Variants in MEP1A observed in about 807,000 individuals in gnomAD.
The protein encoded by MEP1A is meprin A subunit alpha, also known as N-benzoyl-L-tyrosyl-P-amino-benzoic acid hydrolase subunit alpha.
A neutral mutation model predicts 84.5 loss-of-function variants in MEP1A; 68 were observed. The observed-to-expected ratio is 0.80, with a 90% CI of 0.66 to 0.98. The LOEUF (loss-of-function observed/expected upper bound fraction) is 0.98. Among genes scored for constraint, MEP1A ranks in the 50% least tolerant of loss-of-function variants. The pLI is 0.00. For missense variants in MEP1A, 887 were observed against 919.9 expected (o/e 0.96, Z 0.46); for synonymous variants, 337 against 336.8 (o/e 1.00, Z -0.01).
intron 5 of MEP1A, among the ~76,000 whole-genome samples, chr6:46,802,531 A>G (rs1767218854): frequency 6.6e-6 from 1 of 151,842 alleles, no homozygotes; most frequent in Non-Finnish European, 1.5e-5. Flanking sequence ...AGACAGTGTT[A>G]CTGGTTCCTT....
At chr6:46,840,922 T>A (rs978480019), downstream of MEP1A, among the ~76,000 whole-genome samples, 16 of 152,160 alleles carry the variant, frequency 1.1e-4, no homozygotes, top group African/African-American at 3.9e-4. Flanking sequence ...AACCTCAGAG[T>A]TAGGCCTAAA....
intron 6 of MEP1A, among the ~76,000 whole-genome samples, chr6:46,812,037 C>T (rs915101959): frequency 6.6e-6 from 1 of 152,060 alleles, no homozygotes; most frequent in East Asian, 1.9e-4. Context: ...AATAGTGTCA[C>T]TAGGATTGGT....
At chr6:46,800,841 T>A (rs2150740617) in intron 5 of MEP1A, among the ~76,000 whole-genome samples, 1 of 152,258 alleles carries the variant, frequency 6.6e-6, no homozygotes, top group Non-Finnish European at 1.5e-5. Context: ...CCATTCTGAT[T>A]TTCCCCTATG....
At chr6:46,831,461 A>G (rs144664648) in intron 10 of MEP1A, among the ~76,000 whole-genome samples, 1,845 of 152,314 alleles carry the variant, frequency 0.012, 44 homozygotes, top group African/African-American at 0.042. Context: ...ACAATTCTGA[A>G]CTAACAGGGA....
chr6:46,821,044 ACTGACCAAG>A (rs576245309), intron 7 of MEP1A, among the ~76,000 whole-genome samples: 65 of 152,272 alleles, frequency 4.3e-4, no homozygotes, highest in African/African-American at 1.5e-3. Context: ...GCTTGGAAGA[ACTGACCAAG>A]CTTTATAATT....
At chr6:46,802,652 T>C (rs1162076067) in intron 5 of MEP1A, among the ~76,000 whole-genome samples, 1 of 151,878 alleles carries the variant, frequency 6.6e-6, no homozygotes, top group East Asian at 1.9e-4. Flanking sequence ...CTCATTGGCT[T>C]GTTTAGTGGT....
chr6:46,808,098 C>T (rs1057178373), intron 5 of MEP1A, among the ~76,000 whole-genome samples: 3 of 151,978 alleles, frequency 2.0e-5, no homozygotes, highest in Admixed American at 2.0e-4. Flanking sequence ...TTGAGAATAA[C>T]AAAAGCGAAA....
intron 6 of MEP1A, among the ~76,000 whole-genome samples, chr6:46,811,832 T>C (rs1301388841): frequency 6.6e-6 from 1 of 152,130 alleles, no homozygotes; most frequent in African/African-American, 2.4e-5. Context: ...CACTTGATCA[T>C]GTTGAATTAT....
downstream of MEP1A, among the ~76,000 whole-genome samples, chr6:46,842,367 A>G (rs1768348765): frequency 6.6e-6 from 1 of 152,182 alleles, no homozygotes; most frequent in Admixed American, 6.5e-5. Context: ...AATAGGAGAG[A>G]TATCGCTGAA....
chr6:46,794,967 CT>C (rs1168412426), intron 3 of MEP1A, among the ~76,000 whole-genome samples: 1 of 152,154 alleles, frequency 6.6e-6, no homozygotes, highest in East Asian at 1.9e-4. Flanking sequence ...TGTAAATCTT[CT>C]TTTTAGGCCA....
chr6:46,841,987 A>C (rs1274847319), downstream of MEP1A, among the ~76,000 whole-genome samples: 2 of 152,198 alleles, frequency 1.3e-5, no homozygotes, highest in Non-Finnish European at 2.9e-5. Flanking sequence ...TCCCAAAATT[A>C]ATACTATTAT....
chr6:46,833,234 C>G lies in MEP1A; in HGVS notation c.1305C>G (p.Val435=). 6.2e-7 allele frequency: 1 copy of G among 1,614,098 alleles called. No individual in the cohort carries two copies. Residue 435 remains valine, a synonymous_variant, in exon 11 of 14, where the codon GTC becomes GTG. Transcript: ENST00000230588. The part of the protein sequence containing the change: ...TLTETPCPTG[V]WTVRNFSQVL... ...CAGAAACCCCCTGCCCCACAGGGGT[C>G]TGGACAGTCCGGAATTTCTCCCAAG...
At chr6:46,833,031 A>C (rs1768110268) in intron 10 of MEP1A, 43 bp from the exon 11 acceptor site, 1 of 1,096,900 alleles carries the variant, frequency 9.1e-7, no homozygotes, top group African/African-American at 1.6e-5. Flanking sequence ...GTACTCATTA[A>C]GTGTTGGTCA....
At chr6:46,837,210 C>A (rs192103446) in intron 13 of MEP1A, among the ~76,000 whole-genome samples, 1 of 152,148 alleles carries the variant, frequency 6.6e-6, no homozygotes, top group Non-Finnish European at 1.5e-5. Flanking sequence ...GGCACCTTCA[C>A]CCCGTTAATT....
Position 46,833,429 on chromosome 6 carries a change from G to A in MEP1A, c.1500G>A (p.Pro500=), listed in dbSNP as rs778895711. ...SGENDAILEW[P]VENRQVIITI... Reference sequence around the variant, plus strand: ...AGAACGATGCTATCCTGGAGTGGCCGGTAGAAAACAGACAGGTGATAATTA... The same window carrying A: ...AGAACGATGCTATCCTGGAGTGGCCAGTAGAAAACAGACAGGTGATAATTA... The change falls in exon 11 of 14, where the codon CCG becomes CCA. Residue 500 remains proline, a synonymous_variant. Coordinates refer to ENST00000230588, the MANE Select transcript of MEP1A (RefSeq NM_005588.3). 1.8e-5 allele frequency: 29 copies of A among 1,614,014 alleles called. No individual in the cohort carries two copies. Among genetic ancestry groups the A allele is most frequent in the East Asian group, 6.7e-5 (3 of 44,894 alleles).
chr6:46,809,297 CA>C, intron 5 of MEP1A, 122 bp from the exon 6 acceptor site: 5 of 630,114 alleles, frequency 7.9e-6, no homozygotes, highest in East Asian at 3.0e-5. Context: ...TATTTATTAC[CA>C]AAAACCCTAT....
intron 7 of MEP1A, among the ~76,000 whole-genome samples, chr6:46,824,772 TGTATTTAAATAGATGTATTTAA>T (rs1206164675): frequency 9.8e-6 from 1 of 101,884 alleles, no homozygotes; most frequent in African/African-American, 3.6e-5. Context: ...ATATAAATTA[TGTATTTAAATAGATGTATTTAA>T]ATATATATAA....
At chr6:46,817,562 G>A (rs144389975) in intron 6 of MEP1A, among the ~76,000 whole-genome samples, 31 of 152,180 alleles carry the variant, frequency 2.0e-4, no homozygotes, top group Middle Eastern at 6.8e-3. Context: ...CATTGAAAAC[G>A]TCAGAGAAAC....
rs1767724060 is a variant in MEP1A at position 46,819,706 on chromosome 6, T to A, written c.556+2T>A. On this transcript the variant is annotated splice_donor_variant, in intron 7 of 13. Coordinates refer to ENST00000230588, the MANE Select transcript of MEP1A (RefSeq NM_005588.3). LOFTEE classifies it high-confidence loss of function. ...TCTGGTGGGACCAAATTCTTTCAGG[T>A]GTGATTGGGCGGAGATTGCTATCAC... The A allele has an allele frequency of 1.2e-6, 2 of 1,612,958 alleles. No individual in the cohort carries two copies. Among genetic ancestry groups the A allele is most frequent in the Non-Finnish European group, 1.7e-6 (2 of 1,179,470 alleles).
Sources: allele counts gnomAD v4.1 joint callset (sites outside exome capture counted in the v4.1 genomes callset), GRCh38; gene constraint gnomAD v4.1.1; transcripts MANE v1.5; gene names NCBI Gene and HGNC (gene_info 2026-07-23, HGNC 2026-07-21).